Variants in ATL1 observed in about 807,000 individuals in gnomAD.
ATL1 encodes the protein atlastin GTPase 1.
A neutral mutation model predicts 75.5 loss-of-function variants in ATL1; 31 were observed. The observed-to-expected ratio is 0.41, with a 90% CI of 0.31 to 0.55. The LOEUF (loss-of-function observed/expected upper bound fraction) is 0.55. Ranked by LOEUF, ATL1 falls within the 20% of genes least tolerant of loss-of-function variation. The pLI is 0.27. For missense variants in ATL1, 405 were observed against 662.6 expected, an observed-to-expected ratio of 0.61 and a Z score of 4.27; for synonymous variants, 226 against 233.3, an observed-to-expected ratio of 0.97 and a Z score of 0.28.
intron 1 of ATL1, among the ~76,000 whole-genome samples, chr14:50,551,411 A>T (rs2140160332): frequency 6.6e-6 from 1 of 152,218 alleles, no homozygotes; most frequent in Middle Eastern, 3.4e-3. Flanking sequence ...AAATTTCAGG[A>T]TCAGATGGAG....
At chr14:50,560,421 G>T in intron 1 of ATL1, 122 bp downstream of exon 1, 1 of 1,310,028 alleles carries the variant, frequency 7.6e-7, no homozygotes, top group Middle Eastern at 1.8e-4. Flanking sequence ...CTGGGAGACG[G>T]GCCGTAGCCG....
At chr14:50,565,440 G>A (rs564480679) in intron 1 of ATL1, among the ~76,000 whole-genome samples, 6 of 150,310 alleles carry the variant, frequency 4.0e-5, no homozygotes, top group South Asian at 4.2e-4. Context: ...AGCTGAGATC[G>A]CACCACTGTA....
At chr14:50,631,489 G>A (rs1027825287) in intron 13 of ATL1, among the ~76,000 whole-genome samples, 13 of 152,148 alleles carry the variant, frequency 8.5e-5, no homozygotes, top group South Asian at 8.3e-4. Flanking sequence ...GTCAGAGGAG[G>A]GGATGAAATC....
In ATL1 at chr14:50,571,988, G is replaced by A. The variant is rs537096011; in HGVS notation, c.34+11689G>A. The A allele has an allele frequency of 3.6e-4, 172 of 472,332 alleles. 1 individual carries two copies. The highest frequency in any genetic ancestry group is 1.7e-3 in the African/African-American group (82 of 49,344). 29.3% of individuals were successfully genotyped at this position (472,332 alleles called of 1,614,324 possible). A position where few individuals can be genotyped will look rare whatever the true frequency, so the allele number is the denominator to read the frequency against. On this transcript the variant is annotated intron_variant, in intron 1 of 13. Transcript: ENST00000358385. ...CCATTCCAATATTGTTTTGTTGCCC[G>A]CTAGTTGCCATCTCCACACATTTAT...
chr14:50,578,206 T>C (rs2039024205), intron 1 of ATL1, among the ~76,000 whole-genome samples: 1 of 152,230 alleles, frequency 6.6e-6, no homozygotes, highest in Admixed American at 6.5e-5. Flanking sequence ...ATCTCAGTAT[T>C]TGATACTGAG....
intron 1 of ATL1, among the ~76,000 whole-genome samples, chr14:50,587,030 G>T (rs1049852539): frequency 2.0e-5 from 3 of 152,000 alleles, no homozygotes; most frequent in African/African-American, 7.2e-5. Flanking sequence ...CACATCTTTG[G>T]CTTTAATTTC....
intron 1 of ATL1, among the ~76,000 whole-genome samples, chr14:50,574,976 T>TATATATATATATATATA (rs1595590069): frequency 7.5e-6 from 1 of 132,472 alleles, no homozygotes; most frequent in African/African-American, 2.8e-5. Context: ...TATATATATA[T>TATATATATATATATATA]TAGCTTTTAC....
intron 1 of ATL1, among the ~76,000 whole-genome samples, chr14:50,547,804 T>A (rs1296627346): frequency 6.6e-6 from 1 of 152,218 alleles, no homozygotes; most frequent in Non-Finnish European, 1.5e-5. Flanking sequence ...ATTATGCCTT[T>A]TCCAGTATTC....
intron 6 of ATL1, among the ~76,000 whole-genome samples, chr14:50,607,369 T>C (rs1320409017): frequency 6.6e-6 from 1 of 152,012 alleles, no homozygotes; most frequent in Non-Finnish European, 1.5e-5. Context: ...GATGACCACA[T>C]GTAGGCGTCA....
At chr14:50,554,564 G>C (rs1298527291) in intron 1 of ATL1, among the ~76,000 whole-genome samples, 5 of 152,178 alleles carry the variant, frequency 3.3e-5, no homozygotes, top group African/African-American at 1.2e-4. Flanking sequence ...GGGGAAGGCG[G>C]GGCAGTGAGC....
At chr14:50,536,926 A>G (rs1414347820) in intron 1 of ATL1, among the ~76,000 whole-genome samples, 1 of 152,248 alleles carries the variant, frequency 6.6e-6, no homozygotes, top group African/African-American at 2.4e-5. Flanking sequence ...CAGCCTGACA[A>G]TACAATGGAA....
intron 1 of ATL1, among the ~76,000 whole-genome samples, chr14:50,572,391 A>G (rs2038962719): frequency 1.3e-5 from 2 of 152,166 alleles, no homozygotes; most frequent in South Asian, 4.1e-4. Flanking sequence ...TGTTTTGGTT[A>G]TAGAATAATT....
At chr14:50,542,397 A>G (rs945930213) in intron 1 of ATL1, 1 of 152,186 alleles carries the variant, frequency 6.6e-6, no homozygotes, top group Non-Finnish European at 1.5e-5. Context: ...CTACCATGGC[A>G]TATGTATACC....
At chr14:50,564,070 T>C (rs1398594156) in intron 1 of ATL1, among the ~76,000 whole-genome samples, 1 of 152,074 alleles carries the variant, frequency 6.6e-6, no homozygotes, top group African/African-American at 2.4e-5. Context: ...TAAGCTGATA[T>C]AAGAAATCAA....
chr14:50,593,062 CTT>C (rs2039178359), intron 4 of ATL1, among the ~76,000 whole-genome samples: 2 of 150,816 alleles, frequency 1.3e-5, no homozygotes, highest in Admixed American at 6.6e-5. Context: ...AAAATACTGA[CTT>C]AATCTAATTT....
At chr14:50,590,879 A>G in intron 2 of ATL1, 62 bp from the exon 3 acceptor site, 1 of 1,543,222 alleles carries the variant, frequency 6.5e-7, no homozygotes, top group Non-Finnish European at 8.9e-7. Flanking sequence ...ATCAGAATGA[A>G]TGAATGGAAA....
At chr14:50,600,366 C>T (rs375390699) in intron 6 of ATL1, among the ~76,000 whole-genome samples, 1 of 152,036 alleles carries the variant, frequency 6.6e-6, no homozygotes, top group African/African-American at 2.4e-5. Flanking sequence ...AAAAAGTTTT[C>T]GCTGACTGAG....
intron 1 of ATL1, among the ~76,000 whole-genome samples, chr14:50,562,805 G>T (rs949318200): frequency 1.3e-5 from 2 of 152,174 alleles, no homozygotes; most frequent in Non-Finnish European, 2.9e-5. Flanking sequence ...TGACATAAAT[G>T]ACTTAGAAAA....
intron 4 of ATL1, among the ~76,000 whole-genome samples, chr14:50,592,929 A>AAAATATATAT (rs562590227): frequency 5.3e-5 from 6 of 113,878 alleles, no homozygotes; most frequent in African/African-American, 2.1e-4. Context: ...AAAAAAAAAA[A>AAAATATATAT]ATATATATAT....
Sources: allele counts gnomAD v4.1 joint callset (sites outside exome capture counted in the v4.1 genomes callset), GRCh38; gene constraint gnomAD v4.1.1; transcripts MANE v1.5; gene names NCBI Gene and HGNC (gene_info 2026-07-23, HGNC 2026-07-21).